SRP68: variants seen among roughly 807,000 people sequenced by gnomAD.
SRP68 encodes signal recognition particle subunit SRP68.
In SRP68, 15 loss-of-function variants were observed where a neutral mutation model predicts 82.2. That is an observed-to-expected ratio of 0.18 (90% CI 0.12 to 0.28). The LOEUF is 0.28. Among genes scored for constraint, SRP68 ranks in the 10% least tolerant of loss-of-function variants. The pLI, the probability that SRP68 is intolerant of heterozygous loss-of-function variation, is 1.00. For missense variants in SRP68, 595 were observed against 780.5 expected, an observed-to-expected ratio of 0.76 and a Z score of 2.83; for synonymous variants, 261 against 292.6, an observed-to-expected ratio of 0.89 and a Z score of 1.10.
chr17:76,046,466 A>G lies in SRP68; in HGVS notation c.1143-272T>C, dbSNP rs571763519. On this transcript the variant is annotated intron_variant, in intron 10 of 15. Transcript: ENST00000307877. ...TCCTTTTTCAAGAACCACACAGTGGAAAAAAAAAAAAAAAAAAACAAAAAA... is the reference window on the plus strand; with the variant it reads ...TCCTTTTTCAAGAACCACACAGTGGGAAAAAAAAAAAAAAAAAACAAAAAA... 4.5e-4 allele frequency among the ~76,000 whole-genome samples: 19 copies of G among 41,848 alleles called. No homozygotes were observed. The East Asian group carries it at 5.0e-3, about 11-fold the overall frequency. 27.5% of individuals were successfully genotyped at this position (41,848 alleles called of 152,430 possible).
At chr17:76,063,946 A>T (rs777305668) in intron 4 of SRP68, 30 bp downstream of exon 4, 2 of 1,579,936 alleles carry the variant, frequency 1.3e-6, no homozygotes, top group African/African-American at 2.7e-5. Context: ...TAATCTCCAC[A>T]ATAAACAAGC....
chr17:76,059,008 G>A (rs934014403), intron 7 of SRP68, among the ~76,000 whole-genome samples: 2 of 152,314 alleles, frequency 1.3e-5, no homozygotes, highest in South Asian at 2.1e-4. Context: ...GGGAGGCTAA[G>A]GCGAACAGAT....
At position 76,045,357 on chromosome 17, in the gene SRP68, A is replaced by C. The variant is rs1205412767; in HGVS notation, c.1329T>G (p.Gly443=). The C allele has an allele frequency of 6.2e-7, 1 of 1,613,474 alleles. No individual in the cohort carries two copies. Among genetic ancestry groups the C allele is most frequent in the Non-Finnish European group, 8.5e-7 (1 of 1,179,618 alleles). Residue 443 remains glycine (G), a synonymous_variant, in exon 12 of 16, where the codon GGT becomes GGG. Transcript: ENST00000307877. ...QNLVELLQLP[G]LEEDKAFQKE... is the part of the protein sequence containing the mutation. ...TCTGGAAGGCTTTGTCTTCCTCTAA[A>C]CCAGGAAGCTGGAGCAATTCCACCA...
intron 12 of SRP68, chr17:76,044,791 C>T: frequency 6.6e-6 from 1 of 152,636 alleles, no homozygotes; most frequent in Non-Finnish European, 1.5e-5. Flanking sequence ...GGCTGGAGTG[C>T]AATGGTGCGA....
At chr17:76,069,328 C>T (rs2066831108) in intron 2 of SRP68, among the ~76,000 whole-genome samples, 1 of 151,886 alleles carries the variant, frequency 6.6e-6, no homozygotes. Context: ...GCGGAGGTTG[C>T]AGTACACCGA....
intron 8 of SRP68, among the ~76,000 whole-genome samples, chr17:76,054,473 A>G (rs140107092): frequency 2.4e-3 from 367 of 151,906 alleles, no homozygotes; most frequent in African/African-American, 8.6e-3. Context: ...AATATATATA[A>G]ATATACATTG....
rs977304551 is a variant in SRP68 at position 76,039,005 on chromosome 17, G to C, written c.*701C>G. ...ATCAGCCTCACCTAGTTGCCGGTAAGTCAGGTTACACTTGACCTCACCGGC... is the reference window on the plus strand; with the variant it reads ...ATCAGCCTCACCTAGTTGCCGGTAACTCAGGTTACACTTGACCTCACCGGC... On this transcript the variant is annotated 3_prime_UTR_variant, in exon 16 of 16. Coordinates refer to ENST00000307877, the MANE Select transcript of SRP68 (RefSeq NM_014230.4). 6 of 174,148 alleles carry C rather than the reference G, an allele frequency of 3.4e-5. No individual in the cohort carries two copies. Among genetic ancestry groups the C allele is most frequent in the African/African-American group, 1.2e-4 (5 of 42,410 alleles). 10.8% of individuals were successfully genotyped at this position (174,148 alleles called of 1,614,324 possible). A position where few individuals can be genotyped will look rare whatever the true frequency, so the allele number is the denominator to read the frequency against.
chr17:76,056,969 G>A (rs1422857109), intron 8 of SRP68, among the ~76,000 whole-genome samples: 7 of 152,110 alleles, frequency 4.6e-5, no homozygotes, highest in African/African-American at 1.4e-4. Flanking sequence ...CATGTACACC[G>A]CACACAAAAC....
chr17:76,039,489 G>A lies in SRP68; in HGVS notation c.*217C>T, dbSNP rs1460135093. On this transcript the variant is annotated 3_prime_UTR_variant, in exon 16 of 16. Transcript: ENST00000307877. ...TCCCAGGAGGTACAGGAGACAGGAT[G>A]ACCCTGCACACATTTACCAGAAGAC... 2 of 650,392 alleles carry A rather than the reference G, an allele frequency of 3.1e-6. No individual in the cohort carries two copies. Among genetic ancestry groups the A allele is most frequent in the African/African-American group, 3.6e-5 (2 of 55,696 alleles). The allele number at this position is 650,392 out of a possible 1,614,324, so 40.3% of individuals were successfully genotyped here. A position where few individuals can be genotyped will look rare whatever the true frequency, so the allele number is the denominator to read the frequency against.
In SRP68 at chr17:76,067,241, G is replaced by A; in HGVS notation, c.341C>T (p.Thr114Ile). Residue 114 changes from threonine (T) to isoleucine (I), a missense_variant, in exon 3 of 16, where the codon ACT (threonine) becomes ATT (isoleucine). Physicochemically the swap from Thr to Ile is moderately conservative, Grantham distance 89. Transcript: ENST00000307877. ...NRHKFTGKKV[T>I]EELLTDNRYL... is the part of the protein sequence containing the mutation. ...CCTATTATCGGTCAGAAGCTCTTCA[G>A]TCACTTTCTTCCCTGTGAATTTGTG... 1.2e-6 allele frequency: 2 copies of A among 1,613,726 alleles called. No individual in the cohort carries two copies. Among genetic ancestry groups the A allele is most frequent in the East Asian group, 2.2e-5 (1 of 44,872 alleles).
chr17:76,043,855 C>A lies in SRP68; in HGVS notation c.1498G>T (p.Ala500Ser). The A allele has an allele frequency of 6.2e-7, 1 of 1,604,608 alleles. No homozygotes were observed. The highest frequency in any genetic ancestry group is 8.5e-7 in the Non-Finnish European group (1 of 1,177,602). The change falls in exon 13 of 16, where the codon GCT (alanine) becomes TCT (serine). Residue 500 changes from alanine (A) to serine (S), a missense_variant. Transcript: ENST00000307877. ...TTTAGGCTGTTCTTGAAGGCGCCAG[C>A]ATCAGAATTTACTTCATTTGCATAT... is the stretch of plus-strand genomic sequence containing the variant. ...LKYANEVNSDAGAFKNSLKDL... is the reference protein window; with the variant it reads ...LKYANEVNSDSGAFKNSLKDL...
chr17:76,062,018 G>A (rs2066756016), intron 4 of SRP68, among the ~76,000 whole-genome samples: 1 of 151,882 alleles, frequency 6.6e-6, no homozygotes, highest in Non-Finnish European at 1.5e-5. Context: ...CAGGCGCAGT[G>A]GCTCATGCCT....
At chr17:76,041,489 T>C (rs1244926348) in intron 13 of SRP68, 1 of 152,648 alleles carries the variant, frequency 6.6e-6, no homozygotes, top group Non-Finnish European at 1.5e-5. Context: ...CCTCGGTCTC[T>C]TGCTTGGCAT....
At chr17:76,043,200 G>T (rs1383875428) in intron 13 of SRP68, among the ~76,000 whole-genome samples, 2 of 152,102 alleles carry the variant, frequency 1.3e-5, no homozygotes, top group Non-Finnish European at 2.9e-5. Context: ...GGAGTTCGAG[G>T]CTGCAGTGAA....
At chr17:76,054,397 G>A (rs1446104861) in intron 8 of SRP68, among the ~76,000 whole-genome samples, 1 of 152,036 alleles carries the variant, frequency 6.6e-6, no homozygotes, top group African/African-American at 2.4e-5. Flanking sequence ...GCCCAGTGAG[G>A]TTTAGGAAAA....
chr17:76,042,968 T>C (rs183713656), intron 13 of SRP68, among the ~76,000 whole-genome samples: 396 of 152,240 alleles, frequency 2.6e-3, no homozygotes, highest in Non-Finnish European at 4.2e-3. Context: ...ATGCAGATAT[T>C]GGCCAGCATG....
chr17:76,044,249 G>C (rs2066613304), intron 12 of SRP68, among the ~76,000 whole-genome samples: 1 of 152,138 alleles, frequency 6.6e-6, no homozygotes, highest in Admixed American at 6.5e-5. Flanking sequence ...GTGAGGCTGG[G>C]GACAGGAAGG....
chr17:76,044,422 G>A (rs2066614697), intron 12 of SRP68, among the ~76,000 whole-genome samples: 1 of 152,194 alleles, frequency 6.6e-6, no homozygotes, highest in African/African-American at 2.4e-5. Context: ...AGCGCTGCTG[G>A]TCCCTGACAG....
At chr17:76,048,979 G>A (rs1214116778) in intron 9 of SRP68, 2 of 152,236 alleles carry the variant, frequency 1.3e-5, no homozygotes, top group East Asian at 3.8e-4. Flanking sequence ...TGACTCCTTA[G>A]AGAAAGCAGT....
Sources: gnomAD v4.1 joint callset for allele counts (sites outside exome capture counted in the v4.1 genomes callset) on GRCh38, gnomAD v4.1.1 for gene constraint, MANE v1.5 for transcripts, NCBI Gene and HGNC (gene_info 2026-07-23, HGNC 2026-07-21) for gene names.